Variants in RC3H1 observed in about 807,000 individuals in gnomAD.
The protein encoded by RC3H1 is ring finger and CCCH-type domains 1, also known as roquin-1.
A neutral mutation model predicts 138.2 loss-of-function variants in RC3H1; 50 were observed. That is an observed-to-expected ratio of 0.36 (90% CI 0.29 to 0.46). The LOEUF is 0.46. RC3H1 is among the 20% of genes least tolerant of loss of function. The probability of loss-of-function intolerance (pLI) is 1.00; values close to 1 mark genes in which losing one functional copy is unlikely to be tolerated. For missense variants in RC3H1, 1,031 were observed against 1,388.1 expected (o/e 0.74, Z 4.09); for synonymous variants, 462 against 489.1 (o/e 0.94, Z 0.73).
In RC3H1 at chr1:173,963,970, T is replaced by C; in HGVS notation, c.1831+3A>G. 6.2e-7 allele frequency: 1 copy of C among 1,613,042 alleles called. No individual in the cohort carries two copies. The highest frequency in any genetic ancestry group is 1.1e-5 in the South Asian group (1 of 90,982). On this transcript the variant is annotated splice_donor_region_variant and intron_variant, in intron 11 of 19. Transcript: ENST00000367696. The stretch of plus-strand genomic sequence containing the variant: ...GTTAGCAATATAAATTTAAAATCGT[T>C]ACCCTGCTGATAAGGTGCTGGTTCA...
chr1:174,010,456 C>T (rs1337671578), intron 1 of RC3H1, among the ~76,000 whole-genome samples: 2 of 152,050 alleles, frequency 1.3e-5, no homozygotes, highest in Non-Finnish European at 2.9e-5. Flanking sequence ...ACTCTGTCAC[C>T]CAGGCTAGAA....
intron 8 of RC3H1, among the ~76,000 whole-genome samples, 195 bp downstream of exon 8, chr1:173,972,314 T>C (rs753512131): frequency 1.3e-5 from 2 of 152,208 alleles, no homozygotes; most frequent in Non-Finnish European, 2.9e-5. Context: ...GTCAATATTG[T>C]CAGATAAAGT....
chr1:173,972,991 G>C (rs1490558318), intron 7 of RC3H1, among the ~76,000 whole-genome samples: 1 of 152,214 alleles, frequency 6.6e-6, no homozygotes, highest in Non-Finnish European at 1.5e-5. Context: ...CTCAGCTTTA[G>C]ATGATTGTTG....
At chr1:173,968,945 A>T (rs1161717263) in intron 9 of RC3H1, among the ~76,000 whole-genome samples, 1 of 135,806 alleles carries the variant, frequency 7.4e-6, no homozygotes, top group African/African-American at 2.9e-5. Context: ...TGCAACCTCC[A>T]CCTCCCGGGT....
At position 173,952,874 on chromosome 1, in the gene RC3H1, T is replaced by C. The variant is rs116379977; in HGVS notation, c.2371-736A>G. On this transcript the variant is annotated intron_variant, in intron 13 of 19. Transcript: ENST00000367696. Reference sequence around the variant, plus strand: ...ACCTAATAAGCTCCTAAATCCATGATAGACAACACAGATGATATGACCAAG... The same window carrying C: ...ACCTAATAAGCTCCTAAATCCATGACAGACAACACAGATGATATGACCAAG... 3.0e-3 allele frequency among the ~76,000 whole-genome samples: 460 copies of C among 152,306 alleles called. 2 individuals are homozygous for C. The highest frequency in any genetic ancestry group is 0.01 in the African/African-American group (427 of 41,578).
rs1054057451 is a variant in RC3H1 at position 173,935,231 on chromosome 1, T to A, written c.*3490A>T. On this transcript the variant is annotated 3_prime_UTR_variant, in exon 20 of 20. Coordinates refer to ENST00000367696, the MANE Select transcript of RC3H1 (RefSeq NM_172071.4). ...TTACTGGACTTATCTTATGACAAAATTATATATAAATTAGGCAAAAGAGCT... is the reference window on the plus strand; with the variant it reads ...TTACTGGACTTATCTTATGACAAAAATATATATAAATTAGGCAAAAGAGCT... 1.3e-5 allele frequency: 2 copies of A among 152,146 alleles called. No homozygotes were observed. Among genetic ancestry groups the A allele is most frequent in the African/African-American group, 4.8e-5 (2 of 41,428 alleles). The allele number at this position is 152,146 out of a possible 1,614,324, so 9.4% of individuals were successfully genotyped here.
At chr1:173,982,145 T>G (rs1557941737) in intron 5 of RC3H1, among the ~76,000 whole-genome samples, 1 of 152,110 alleles carries the variant, frequency 6.6e-6, no homozygotes, top group Non-Finnish European at 1.5e-5. Flanking sequence ...TTTGGGAGGC[T>G]GAGGCGGGCA....
At chr1:174,018,195 T>C (rs968047732) in intron 1 of RC3H1, among the ~76,000 whole-genome samples, 2 of 152,062 alleles carry the variant, frequency 1.3e-5, no homozygotes, top group African/African-American at 4.8e-5. Context: ...TCATAATATA[T>C]ACATACAGCA....
At chr1:173,982,972 G>A (rs1036128525) in intron 4 of RC3H1, 70 bp from the exon 5 acceptor site, 2 of 1,353,294 alleles carry the variant, frequency 1.5e-6, no homozygotes, top group Non-Finnish European at 2.0e-6. Flanking sequence ...ATTAGAAGGG[G>A]AATATTTAAT....
intron 4 of RC3H1, 81 bp downstream of exon 4, chr1:173,983,337 A>G: frequency 6.6e-7 from 1 of 1,506,684 alleles, no homozygotes; most frequent in Admixed American, 1.8e-5. Context: ...GCAAAGAACT[A>G]GGCTTTGTAC....
chr1:173,963,889 T>A, intron 11 of RC3H1, 84 bp downstream of exon 11: 1 of 1,068,186 alleles, frequency 9.4e-7, no homozygotes, highest in South Asian at 1.4e-5. Flanking sequence ...TTAAAGAGGC[T>A]ACTGTGTAAA....
chr1:174,000,625 G>A (rs919345173), intron 1 of RC3H1, among the ~76,000 whole-genome samples: 1 of 152,130 alleles, frequency 6.6e-6, no homozygotes, highest in East Asian at 1.9e-4. Context: ...CACTATGCCC[G>A]ATGAGATGAG....
chr1:174,006,530 A>G (rs1309807312), intron 1 of RC3H1, among the ~76,000 whole-genome samples: 1 of 152,156 alleles, frequency 6.6e-6, no homozygotes, highest in African/African-American at 2.4e-5. Context: ...CTGACTCCAA[A>G]ACCTGTATTT....
chr1:173,934,446 T>C lies in RC3H1; in HGVS notation c.*4275A>G, dbSNP rs567298893. On this transcript the variant is annotated 3_prime_UTR_variant, in exon 20 of 20. Transcript: ENST00000367696. ...TACTTTTACATTTTATAAGGCTAGC[T>C]AACTTTAACAGTTAACTTTAGATAA... 1.3e-5 allele frequency: 2 copies of C among 152,316 alleles called. No individual in the cohort carries two copies. The highest frequency in any genetic ancestry group is 4.1e-4 in the South Asian group (2 of 4,822). The allele number at this position is 152,316 out of a possible 1,614,324, so 9.4% of individuals were successfully genotyped here.
At chr1:173,985,189 CTTTA>C (rs999293385) in intron 2 of RC3H1, among the ~76,000 whole-genome samples, 1 of 152,186 alleles carries the variant, frequency 6.6e-6, no homozygotes, top group African/African-American at 2.4e-5. Context: ...ATATATCACA[CTTTA>C]TTTACACAAT....
rs1216163678 is a variant in RC3H1, at chr1:173,970,589, T to A, written c.1250A>T (p.Tyr417Phe). 3.7e-6 allele frequency: 6 copies of A among 1,613,922 alleles called. No individual in the cohort carries two copies. The highest frequency in any genetic ancestry group is 5.1e-6 in the Non-Finnish European group (6 of 1,179,910). ...TCTCTGCTTCATATCTCGACACATG[T>A]ATGTTTTGTATTTGCTATGCTGTGG... Reference protein sequence around the residue: ...QPPQHSKYKTYMCRDMKQRGG... With the variant: ...QPPQHSKYKTFMCRDMKQRGG... The change falls in exon 9 of 20, where the codon TAC (tyrosine) becomes TTC (phenylalanine). Residue 417 changes from tyrosine (Y) to phenylalanine (F), a missense_variant. By Grantham distance (22) the Tyr-to-Phe change is conservative (BLOSUM62 3). Transcript: ENST00000367696.
Position 173,963,969 on chromosome 1 carries a change from T to C in RC3H1, c.1831+4A>G. On this transcript the variant is annotated splice_donor_region_variant and intron_variant, in intron 11 of 19. Transcript: ENST00000367696. ...AGTTAGCAATATAAATTTAAAATCGTTACCCTGCTGATAAGGTGCTGGTTC... is the reference window on the plus strand; with the variant it reads ...AGTTAGCAATATAAATTTAAAATCGCTACCCTGCTGATAAGGTGCTGGTTC... The C allele has an allele frequency of 6.2e-7, 1 of 1,612,966 alleles. No individual in the cohort carries two copies. Among genetic ancestry groups the C allele is most frequent in the East Asian group, 2.2e-5 (1 of 44,880 alleles).
Position 173,961,063 on chromosome 1 carries a change from A to G in RC3H1, c.2370+14T>C. 1.2e-6 allele frequency: 2 copies of G among 1,610,798 alleles called. No individual in the cohort carries two copies. The highest frequency in any genetic ancestry group is 1.7e-6 in the Non-Finnish European group (2 of 1,178,334). On this transcript the variant is annotated intron_variant, in intron 13 of 19. Coordinates refer to ENST00000367696, the MANE Select transcript of RC3H1 (RefSeq NM_172071.4). ...AAAAACACGGATAAATGAGACTAAA[A>G]ATGATTTGCTTACTTCTTCCGGATG...
intron 2 of RC3H1, among the ~76,000 whole-genome samples, chr1:173,990,760 G>A (rs537105496): frequency 5.3e-5 from 8 of 151,820 alleles, no homozygotes; most frequent in Admixed American, 1.3e-4. Context: ...CTGCAACCAC[G>A]CCCAGCTAAC....
Sources: gnomAD v4.1 joint callset for allele counts (sites outside exome capture counted in the v4.1 genomes callset) on GRCh38, gnomAD v4.1.1 for gene constraint, MANE v1.5 for transcripts, NCBI Gene and HGNC (gene_info 2026-07-23, HGNC 2026-07-21) for gene names.